The following CALM2 variants were observed in gnomAD, a reference collection of about 807,000 sequenced individuals.
CALM2 encodes the protein calmodulin 2.
CALM2 carries 2 observed loss-of-function variants against 19.8 expected under a neutral mutation model. The ratio of observed to expected loss-of-function variants is 0.10; its 90% CI spans 0.04 to 0.32. The LOEUF is 0.32. Among genes scored for constraint, CALM2 ranks in the 10% least tolerant of loss-of-function variants. The probability of loss-of-function intolerance (pLI) is 1.00; values close to 1 mark genes in which losing one functional copy is unlikely to be tolerated. For synonymous variants in CALM2, 51 were observed against 52.1 expected (o/e 0.98, Z 0.09); for missense variants, 38 against 178.7 (o/e 0.21, Z 4.49).
chr2:47,162,017 C>G (rs983412031), intron 4 of CALM2, among the ~76,000 whole-genome samples, 159 bp from the exon 5 acceptor site: 5 of 151,994 alleles, frequency 3.3e-5, no homozygotes, highest in African/African-American at 1.2e-4. Context: ...CATTAAGAGC[C>G]AAGCAAAATG....
chr2:47,164,924 C>A (rs560675742), intron 2 of CALM2, among the ~76,000 whole-genome samples: 1 of 152,342 alleles, frequency 6.6e-6, no homozygotes, highest in African/African-American at 2.4e-5. Context: ...TACCTCTTCC[C>A]TGGACTCAAC....
In CALM2 at chr2:47,161,833, G is replaced by A. The variant is rs11551437; in HGVS notation, c.311C>T (p.Ala104Val). 1 of 1,612,674 alleles carries A rather than the reference G, an allele frequency of 6.2e-7. No individual in the cohort carries two copies. The highest frequency in any genetic ancestry group is 8.5e-7 in the Non-Finnish European group (1 of 1,179,292). ...GTTTGTCATCACATGGCGAAGTTCT[G>A]CAGCACTAATATAGCCATTGCCATC... Reference protein sequence around the residue: ...DKDGNGYISAAELRHVMTNLG... With the variant: ...DKDGNGYISAVELRHVMTNLG... The change falls in exon 5 of 6, where the codon GCA (alanine) becomes GTA (valine). Residue 104 changes from alanine to valine, a missense_variant. Physicochemically the swap from Ala to Val is moderately conservative, Grantham distance 64. Transcript: ENST00000272298.
intron 2 of CALM2, among the ~76,000 whole-genome samples, chr2:47,170,015 T>C (rs2103843128): frequency 6.6e-6 from 1 of 150,752 alleles, no homozygotes; most frequent in South Asian, 2.1e-4. Context: ...TCCCCAACAT[T>C]GACATTAACC....
At chr2:47,161,670 C>G in intron 5 of CALM2, 53 bp downstream of exon 5, 3 of 1,550,460 alleles carry the variant, frequency 1.9e-6, no homozygotes, top group Middle Eastern at 4.7e-4. Context: ...AACAAAGAGC[C>G]TCTTATCTTA....
At chr2:47,168,637 G>A (rs1666566384) in intron 2 of CALM2, among the ~76,000 whole-genome samples, 1 of 152,082 alleles carries the variant, frequency 6.6e-6, no homozygotes, top group African/African-American at 2.4e-5. Context: ...GGAGACTGAA[G>A]CAGAACAGCT....
chr2:47,169,137 G>A (rs1666589633), intron 2 of CALM2, among the ~76,000 whole-genome samples: 1 of 152,174 alleles, frequency 6.6e-6, no homozygotes. Context: ...ATGGCACACT[G>A]AGTAACGTTT....
At chr2:47,162,902 A>C in intron 2 of CALM2, 2 of 394,170 alleles carry the variant, frequency 5.1e-6, no homozygotes, top group South Asian at 4.6e-5. Context: ...AGATTAACCA[A>C]TCTTTATGAT....
intron 1 of CALM2, among the ~76,000 whole-genome samples, chr2:47,174,415 G>T (rs1666777498): frequency 6.6e-6 from 1 of 152,018 alleles, no homozygotes; most frequent in African/African-American, 2.4e-5. Context: ...ATTATGTCCG[G>T]CTAATTTTTT....
At chr2:47,176,869 T>TCGCAGCCGCCGCCGGGACG, upstream of CALM2, 2 of 985,416 alleles carry the variant, frequency 2.0e-6, no homozygotes, top group African/African-American at 3.5e-5. Context: ...TCACTGGGAC[T>TCGCAGCCGCCGCCGGGACG]CGCAGCCGCC....
chr2:47,165,359 G>A (rs756897181), intron 2 of CALM2, among the ~76,000 whole-genome samples: 5 of 152,222 alleles, frequency 3.3e-5, no homozygotes, highest in Non-Finnish European at 5.9e-5. Context: ...AATGTGCCCA[G>A]TAAGTGGGGT....
chr2:47,162,713 T>C, intron 2 of CALM2, 51 bp from the exon 3 acceptor site: 4 of 1,449,226 alleles, frequency 2.8e-6, no homozygotes, highest in Non-Finnish European at 3.8e-6. Flanking sequence ...TAATAAAATG[T>C]AACCTAAATG....
chr2:47,167,001 A>G (rs1275673002), intron 2 of CALM2, among the ~76,000 whole-genome samples: 1 of 152,212 alleles, frequency 6.6e-6, no homozygotes, highest in Non-Finnish European at 1.5e-5. Flanking sequence ...TAAACATATA[A>G]TTTTATTAAA....
At position 47,160,362 on chromosome 2, in the gene CALM2, C is replaced by T; in HGVS notation, c.*414G>A. ...GTACCTGGATAATACACCCGTTTTG[C>T]AATAGTGCAACTTTTAAGTACATAT... On this transcript the variant is annotated 3_prime_UTR_variant, in exon 6 of 6. Coordinates refer to ENST00000272298, the MANE Select transcript of CALM2 (RefSeq NM_001743.6). 1 of 157,296 alleles carries T rather than the reference C, an allele frequency of 6.4e-6. No homozygotes were observed. The highest frequency in any genetic ancestry group is 1.4e-5 in the Non-Finnish European group (1 of 71,318). 9.7% of individuals were successfully genotyped at this position (157,296 alleles called of 1,614,324 possible).
At position 47,160,710 on chromosome 2, in the gene CALM2, TACAA is replaced by T. The variant is rs771811022; in HGVS notation, c.*62_*65del. 8.9e-5 allele frequency: 81 copies of T among 915,052 alleles called. No homozygotes were observed. Among genetic ancestry groups the T allele is most frequent in the Admixed American group, 2.5e-4 (8 of 32,016 alleles). The allele number at this position is 915,052 out of a possible 1,614,324, so 56.7% of individuals were successfully genotyped here. ...AGGGAGAAACCTTTTACAGATAAGT[TACAA>T]ACAAAGAAAAGGCAAATAAACAATT... is the stretch of plus-strand genomic sequence containing the variant. On this transcript the variant is annotated 3_prime_UTR_variant, in exon 6 of 6. Coordinates refer to ENST00000272298, the MANE Select transcript of CALM2 (RefSeq NM_001743.6).
intron 1 of CALM2, chr2:47,172,101 TC>T (rs1666687912): frequency 6.6e-6 from 1 of 150,756 alleles, no homozygotes; most frequent in Non-Finnish European, 1.5e-5. Flanking sequence ...GTCCAAATCC[TC>T]CGCCAACAAA....
intron 2 of CALM2, chr2:47,163,107 T>G (rs1357882549): frequency 6.5e-6 from 1 of 154,930 alleles, no homozygotes; most frequent in Non-Finnish European, 1.4e-5. Context: ...AAAACAAAAA[T>G]AAGACTACTG....
intron 2 of CALM2, among the ~76,000 whole-genome samples, chr2:47,169,469 G>A (rs1666599190): frequency 1.3e-5 from 2 of 151,634 alleles, no homozygotes; most frequent in African/African-American, 4.8e-5. Flanking sequence ...TTTTTGAGGA[G>A]ACATGAGATC....
chr2:47,176,530 C>T (rs765068400), upstream of CALM2: 1 of 1,586,348 alleles, frequency 6.3e-7, no homozygotes, highest in Non-Finnish European at 8.6e-7. Context: ...TCCTCCGCCC[C>T]CAGCGCCTCA....
chr2:47,165,263 GCT>G (rs994144845), intron 2 of CALM2, among the ~76,000 whole-genome samples: 18 of 152,166 alleles, frequency 1.2e-4, no homozygotes, highest in African/African-American at 3.9e-4. Context: ...GAATTTCCTA[GCT>G]CTGTTTCTTC....
Sources: gnomAD v4.1 joint callset for allele counts (sites outside exome capture counted in the v4.1 genomes callset) on GRCh38, gnomAD v4.1.1 for gene constraint, MANE v1.5 for transcripts, NCBI Gene and HGNC (gene_info 2026-07-23, HGNC 2026-07-21) for gene names.